The following ARSH variants were observed in gnomAD, a reference collection of about 807,000 sequenced individuals.
ARSH encodes the protein arylsulfatase H.
A neutral mutation model predicts 28.7 loss-of-function variants in ARSH; 32 were observed. That is an observed-to-expected ratio of 1.11 (90% CI 0.84 to 1.50). The LOEUF is 1.50. Among genes scored for constraint, ARSH ranks in the 40% most tolerant of loss-of-function variants. ARSH has a pLI of 0.00. For synonymous variants in ARSH, 176 were observed against 177.3 expected (o/e 0.99, Z 0.06); for missense variants, 440 against 452.4 (o/e 0.97, Z 0.25).
chrX:3,027,592 C>A (rs1172891465), intron 7 of ARSH, 117 bp downstream of exon 7: 6 of 820,206 alleles, frequency 7.3e-6, no homozygotes, highest in Non-Finnish European at 1.0e-5. Flanking sequence ...TATCAATATT[C>A]TGCCCATAGG....
intron 6 of ARSH, among the ~76,000 whole-genome samples, chrX:3,026,561 A>C (rs2089899268): frequency 8.9e-6 from 1 of 112,068 alleles, no homozygotes; most frequent in African/African-American, 3.2e-5. Context: ...GAGTCTAGAC[A>C]TATGGTCTTG....
At chrX:3,008,501 CTT>C (rs1199311739) in intron 1 of ARSH, among the ~76,000 whole-genome samples, 1 of 93,438 alleles carries the variant, frequency 1.1e-5, no homozygotes, top group Non-Finnish European at 2.1e-5. Flanking sequence ...TTCTTTCTTT[CTT>C]TCTTTCTTTC....
chrX:3,008,445 C>A (rs866568697), intron 1 of ARSH, among the ~76,000 whole-genome samples: 3 of 99,295 alleles, frequency 3.0e-5, no homozygotes, highest in Admixed American at 1.1e-4. Flanking sequence ...TCTTCTTCTT[C>A]TTATTTTCTT....
rs2089920976 is a variant in ARSH, at chrX:3,033,528, A to G, written c.*143A>G. 1 of 644,669 alleles carries G rather than the reference A, an allele frequency of 1.6e-6. No homozygotes were observed. The highest frequency in any genetic ancestry group is 4.1e-5 in the Admixed American group (1 of 24,168). 53.1% of individuals were successfully genotyped at this position (644,669 alleles called of 1,213,427 possible). On this transcript the variant is annotated 3_prime_UTR_variant, in exon 9 of 9. Transcript: ENST00000381130. ...TTTATCCTCAGAAATCAGTTCTTTC[A>G]AGAGCTCGGTGAAATTAAAGTGGGC... is the stretch of plus-strand genomic sequence containing the variant.
intron 1 of ARSH, 137 bp downstream of exon 1, chrX:3,006,841 TG>T: frequency 2.2e-6 from 1 of 458,563 alleles, no homozygotes; most frequent in Non-Finnish European, 3.5e-6. Context: ...CAGAGGTCAC[TG>T]GGGAAAATTG....
intron 5 of ARSH, among the ~76,000 whole-genome samples, chrX:3,023,005 C>A (rs763654561): frequency 9.2e-6 from 1 of 108,154 alleles, no homozygotes; most frequent in South Asian, 4.0e-4. Flanking sequence ...TATTATTACA[C>A]GATTTGTATA....
At chrX:3,014,268 TA>T (rs1385248007) in intron 3 of ARSH, among the ~76,000 whole-genome samples, 3 of 111,381 alleles carry the variant, frequency 2.7e-5, no homozygotes, top group African/African-American at 6.5e-5. Context: ...CTCTGTCTCT[TA>T]AAAAAATAAT....
At chrX:3,009,368 A>T (rs2089839906) in intron 1 of ARSH, among the ~76,000 whole-genome samples, 1 of 111,318 alleles carries the variant, frequency 9.0e-6, no homozygotes, top group South Asian at 3.8e-4. Flanking sequence ...GCTAGTCAGG[A>T]GGCTGAGGCA....
intron 6 of ARSH, 107 bp downstream of exon 6, chrX:3,024,262 GAGTT>G: frequency 2.4e-6 from 2 of 827,946 alleles, no homozygotes; most frequent in Non-Finnish European, 3.2e-6. Context: ...ATTTTGATGT[GAGTT>G]AGACTCTTAT....
At position 3,029,257 on chromosome X, in the gene ARSH, G is replaced by A. The variant is rs749718118; in HGVS notation, c.1210G>A (p.Gly404Ser). 9.1e-6 allele frequency: 11 copies of A among 1,208,982 alleles called. No homozygotes were observed. Among genetic ancestry groups the A allele is most frequent in the East Asian group, 5.9e-5 (2 of 33,687 alleles). The change falls in exon 8 of 9, where the codon GGC (glycine) becomes AGC (serine). Residue 404 changes from glycine (G) to serine (S), a missense_variant. Physicochemically the swap from Gly to Ser is moderately conservative, Grantham distance 56 (BLOSUM62 0). Coordinates refer to ENST00000381130, the MANE Select transcript of ARSH (RefSeq NM_001011719.2). ...GILSQDRVID[G>S]QNLMPLLEGR... ...CCCTTCTCTCCCAAGAGTGATTGAC[G>A]GCCAGAACCTAATGCCCCTGCTGGA...
chrX:3,012,631 C>G (rs1406543069), intron 2 of ARSH, among the ~76,000 whole-genome samples: 1 of 66,815 alleles, frequency 1.5e-5, no homozygotes, highest in Non-Finnish European at 2.6e-5. Context: ...TACACACACA[C>G]ACATATGAAA....
intron 6 of ARSH, among the ~76,000 whole-genome samples, chrX:3,027,108 C>A (rs1050446273): frequency 9.0e-6 from 1 of 111,283 alleles, no homozygotes; most frequent in African/African-American, 3.3e-5. Flanking sequence ...CAGGCGCCCA[C>A]CACCATGCCC....
intron 8 of ARSH, among the ~76,000 whole-genome samples, chrX:3,030,016 G>A (rs916836005): frequency 1.8e-5 from 2 of 111,876 alleles, no homozygotes; most frequent in African/African-American, 3.2e-5. Context: ...CACCACAGCC[G>A]ATCCACTCAA....
intron 2 of ARSH, among the ~76,000 whole-genome samples, chrX:3,010,859 A>C (rs1188459317): frequency 3.6e-5 from 4 of 111,986 alleles, no homozygotes; most frequent in Middle Eastern, 9.2e-3. Context: ...GCTTGTCATA[A>C]TTTTAGTATA....
At chrX:3,014,494 A>G (rs945811202) in intron 3 of ARSH, among the ~76,000 whole-genome samples, 1 of 111,041 alleles carries the variant, frequency 9.0e-6, no homozygotes, top group African/African-American at 3.3e-5. Flanking sequence ...CCATCTATAC[A>G]TAAAATCTCG....
In ARSH at chrX:3,020,457, C is replaced by T. The variant is rs778867229; in HGVS notation, c.901+1787C>T. Reference sequence around the variant, plus strand: ...AGAAAAAATGAGCCGGGCGCGGTGGCGGGCGCCTGTAGTCCCAGCTACTCC... The same window carrying T: ...AGAAAAAATGAGCCGGGCGCGGTGGTGGGCGCCTGTAGTCCCAGCTACTCC... On this transcript the variant is annotated intron_variant, in intron 5 of 8. Coordinates refer to ENST00000381130, the MANE Select transcript of ARSH (RefSeq NM_001011719.2). Among the ~76,000 whole-genome samples the T allele has an allele frequency of 2.9e-3, 299 of 103,091 alleles. 6 individuals are homozygous for T. The highest frequency in any genetic ancestry group is 4.7e-3 in the Non-Finnish European group (236 of 49,773). The allele number at this position is 103,091 out of a possible 115,157, so 89.5% of individuals were successfully genotyped here. A position where few individuals can be genotyped will look rare whatever the true frequency, so the allele number is the denominator to read the frequency against.
intron 4 of ARSH, among the ~76,000 whole-genome samples, chrX:3,017,601 A>G (rs1425741815): frequency 8.9e-6 from 1 of 111,960 alleles, no homozygotes; most frequent in Non-Finnish European, 1.9e-5. Context: ...AGCAAGATGT[A>G]AATGAGGGGA....
At chrX:3,029,116 A>T in intron 7 of ARSH, 131 bp from the exon 8 acceptor site, 2 of 622,742 alleles carry the variant, frequency 3.2e-6, no homozygotes, top group Non-Finnish European at 4.7e-6. Flanking sequence ...CTTCCTCTTT[A>T]TCTTTCGCCT....
At chrX:3,025,182 A>G (rs2089895707) in intron 6 of ARSH, among the ~76,000 whole-genome samples, 2 of 108,121 alleles carry the variant, frequency 1.8e-5, no homozygotes, top group Admixed American at 2.1e-4. Flanking sequence ...CACATAACAC[A>G]TATAATCCTA....
Sources: allele counts gnomAD v4.1 joint callset (sites outside exome capture counted in the v4.1 genomes callset), GRCh38; gene constraint gnomAD v4.1.1; transcripts MANE v1.5; gene names NCBI Gene and HGNC (gene_info 2026-07-23, HGNC 2026-07-21).